The following BCL3 variants were observed in gnomAD, a reference collection of about 807,000 sequenced individuals.
BCL3 encodes B-cell lymphoma 3 protein.
Under a neutral mutation model 35.7 loss-of-function variants are expected in BCL3, and 15 were observed. The observed-to-expected ratio is 0.42, with a 90% CI of 0.28 to 0.65. BCL3 has a LOEUF of 0.65. BCL3 is among the 30% of genes least tolerant of loss of function. The pLI, the probability that BCL3 is intolerant of heterozygous loss-of-function variation, is 0.22. For missense variants in BCL3, 565 were observed against 641.7 expected (o/e 0.88, Z 1.29); for synonymous variants, 311 against 284.3 (o/e 1.09, Z -0.95).
In BCL3 at chr19:44,757,298, A is replaced by G; in HGVS notation, c.725-29A>G. 1 of 1,582,078 alleles carries G rather than the reference A, an allele frequency of 6.3e-7. No individual in the cohort carries two copies. The highest frequency in any genetic ancestry group is 8.6e-7 in the Non-Finnish European group (1 of 1,163,992). On this transcript the variant is annotated intron_variant, in intron 4 of 8. Transcript: ENST00000164227. This position sits in a 1 kb window ranked among gnomAD's most constrained non-coding sequence, Gnocchi z 8.4. ...ATCAGCGGCCGCAAAGCCCGGGCCT[A>G]GGTTTCACCGAGCCCTCCTCTCCCT...
Position 44,751,251 on chromosome 19 carries a change from C to T in BCL3, c.281C>T (p.Thr94Ile). ...GGAGCCTTACTGCCTTTGTACCCCA[C>T]TCGGGCCATGGGCTCCCCGTTTCCT... Reference protein sequence around the residue: ...YPGALLPLYPTRAMGSPFPLV... With the variant: ...YPGALLPLYPIRAMGSPFPLV... The change falls in exon 2 of 9, where the codon ACT (threonine) becomes ATT (isoleucine). Residue 94 changes from threonine (T) to isoleucine (I), a missense_variant. Thr to Ile is a moderately conservative substitution (Grantham distance 89). Transcript: ENST00000164227. 6.2e-7 allele frequency: 1 copy of T among 1,611,364 alleles called. No individual in the cohort carries two copies. The highest frequency in any genetic ancestry group is 8.5e-7 in the Non-Finnish European group (1 of 1,178,866).
At chr19:44,748,127 G>A (rs1967100406), upstream of BCL3, 8 of 1,302,328 alleles carry the variant, frequency 6.1e-6, no homozygotes, top group Admixed American at 4.7e-5. Context: ...GTCACCCAGC[G>A]AGTAAGTGGG....
rs774530057 is a variant in BCL3, at chr19:44,758,814, G to A, written c.1150G>A (p.Glu384Lys). Residue 384 changes from glutamate to lysine, a missense_variant, in exon 8 of 9, where the codon GAG becomes AAG. Around this residue, in one of 5 missense-constraint regions of BCL3, gnomAD observed 151 missense variants for 138.1 expected, o/e 1.09. Transcript: ENST00000164227. ...SPDRSANTSP[E>K]SSSRLSSNGL... ...TGACCGGAGCGCCAACACCTCCCCC[G>A]AGAGCAGCAGCCGCCTCAGCTCCAA... 1.2e-6 allele frequency: 2 copies of A among 1,603,074 alleles called. No individual in the cohort carries two copies. Among genetic ancestry groups the A allele is most frequent in the Admixed American group, 1.7e-5 (1 of 58,272 alleles).
Position 44,756,261 on chromosome 19 carries a change from A to T in BCL3, c.440A>T (p.Asn147Ile), listed in dbSNP as rs1405181797. Reference protein sequence around the residue: ...TPLHIAVVQGNLPAVHRLVNL... With the variant: ...TPLHIAVVQGILPAVHRLVNL... The stretch of plus-strand genomic sequence containing the variant: ...CTCCATATTGCTGTGGTGCAGGGTA[A>T]CCTGCCAGCTGTGCACCGGCTGGTC... The change falls in exon 3 of 9, where the codon AAC (asparagine) becomes ATC (isoleucine). Residue 147 changes from asparagine to isoleucine, a missense_variant. Asn to Ile is a moderately radical substitution (Grantham distance 149). Around this residue, in one of 5 missense-constraint regions of BCL3, gnomAD observed 267 missense variants for 281.5 expected, o/e 0.95. Transcript: ENST00000164227. 1 of 1,548,256 alleles carries T rather than the reference A, an allele frequency of 6.5e-7. No individual in the cohort carries two copies. The highest frequency in any genetic ancestry group is 1.9e-5 in the Admixed American group (1 of 52,606).
chr19:44,753,615 C>T (rs1007103564), intron 2 of BCL3, among the ~76,000 whole-genome samples: 1 of 152,248 alleles, frequency 6.6e-6, no homozygotes, highest in South Asian at 2.1e-4. Context: ...CGGCCCCAGC[C>T]TGCGCCACCG....
chr19:44,756,625 C>T (rs1476549097), intron 3 of BCL3, among the ~76,000 whole-genome samples: 1 of 147,966 alleles, frequency 6.8e-6, no homozygotes, highest in African/African-American at 2.5e-5. Context: ...GGCTGGGGGT[C>T]TGGACTCCTG....
In BCL3 at chr19:44,757,544, AAG is replaced by A. The variant is rs1454003092; in HGVS notation, c.814-95_814-94del. Reference sequence around the variant, plus strand: ...GGGTGGGGCTTGGAGTATCAGACCCAAGAGAGAGGCTGGACCCCGCGAATGGG... The same window carrying A: ...GGGTGGGGCTTGGAGTATCAGACCCAAGAGAGGCTGGACCCCGCGAATGGG... On this transcript the variant is annotated intron_variant, in intron 5 of 8. Transcript: ENST00000164227. This position sits in a 1 kb window ranked among gnomAD's most constrained non-coding sequence, Gnocchi z 8.4. The A allele has an allele frequency of 5.9e-6, 9 of 1,532,084 alleles. No homozygotes were observed. Among genetic ancestry groups the A allele is most frequent in the African/African-American group, 2.7e-5 (2 of 73,098 alleles). The allele number at this position is 1,532,084 out of a possible 1,614,324, so 94.9% of individuals were successfully genotyped here.
intron 2 of BCL3, among the ~76,000 whole-genome samples, chr19:44,752,354 C>T (rs924865184): frequency 2.6e-5 from 4 of 151,848 alleles, no homozygotes; most frequent in Admixed American, 1.3e-4. Flanking sequence ...ACGCTACCCC[C>T]ACACCTGGCT....
Position 44,759,904 on chromosome 19 carries a change from C to T in BCL3, c.*289C>T, listed in dbSNP as rs1360867630. Reference sequence around the variant, plus strand: ...CATGTCCCCTCCCAGAGCTGGTGGACCCAGGGAACAGCCACTCCCCTCCAC... The same window carrying T: ...CATGTCCCCTCCCAGAGCTGGTGGATCCAGGGAACAGCCACTCCCCTCCAC... On this transcript the variant is annotated 3_prime_UTR_variant, in exon 9 of 9. Transcript: ENST00000164227. The T allele has an allele frequency of 2.7e-6, 1 of 373,030 alleles. No homozygotes were observed. Among genetic ancestry groups the T allele is most frequent in the Non-Finnish European group, 4.8e-6 (1 of 209,632 alleles). 23.1% of individuals were successfully genotyped at this position (373,030 alleles called of 1,614,324 possible). A position where few individuals can be genotyped will look rare whatever the true frequency, so the allele number is the denominator to read the frequency against.
chr19:44,750,255 T>C (rs1396047921), intron 1 of BCL3, among the ~76,000 whole-genome samples: 2 of 151,862 alleles, frequency 1.3e-5, no homozygotes, highest in Non-Finnish European at 2.9e-5. Context: ...TGGGTTGGTA[T>C]GGATTTGCCT....
At chr19:44,748,037 G>A (rs771536014), upstream of BCL3, 8 of 1,340,158 alleles carry the variant, frequency 6.0e-6, no homozygotes, top group South Asian at 7.4e-5. Flanking sequence ...CGCCTGCCGA[G>A]TGCCAGTCCC....
intron 2 of BCL3, 112 bp from the exon 3 acceptor site, chr19:44,756,120 C>T: frequency 1.5e-6 from 1 of 685,540 alleles, no homozygotes; most frequent in East Asian, 3.5e-5. Flanking sequence ...TGTTTGAATA[C>T]TGGGGACATT....
At chr19:44,755,206 C>T (rs1967258548) in intron 2 of BCL3, 3 of 152,390 alleles carry the variant, frequency 2.0e-5, no homozygotes, top group African/African-American at 7.2e-5. Context: ...GGAAACTGAG[C>T]AGGAAGTTTA....
chr19:44,759,706 T>A lies in BCL3; in HGVS notation c.*91T>A. 1 of 571,338 alleles carries A rather than the reference T, an allele frequency of 1.8e-6. No individual in the cohort carries two copies. The highest frequency in any genetic ancestry group is 2.8e-6 in the Non-Finnish European group (1 of 359,144). 35.4% of individuals were successfully genotyped at this position (571,338 alleles called of 1,614,324 possible). On this transcript the variant is annotated 3_prime_UTR_variant, in exon 9 of 9. Coordinates refer to ENST00000164227, the MANE Select transcript of BCL3 (RefSeq NM_005178.5). ...TCTGGAAACTGTGAAGATCTCACTC[T>A]GCCCCCCCCCCCCATCTTCGGGACC... is the stretch of plus-strand genomic sequence containing the variant.
intron 3 of BCL3, 136 bp from the exon 4 acceptor site, chr19:44,756,881 T>A: frequency 1.2e-6 from 1 of 832,396 alleles, no homozygotes; most frequent in South Asian, 1.9e-5. Flanking sequence ...GACTCTTGAA[T>A]CTGAGACAGG....
In BCL3 at chr19:44,757,839, G is replaced by T. The variant is rs1316596384; in HGVS notation, c.891+116G>T. On this transcript the variant is annotated intron_variant, in intron 6 of 8. Transcript: ENST00000164227. This position sits in a 1 kb window ranked among gnomAD's most constrained non-coding sequence, Gnocchi z 8.4. ...CACTTCTGGCTCCGGCTCCTGCTCC[G>T]CGTCCAGCTCTGATCCTTTAAGGCC... 3.9e-6 allele frequency: 4 copies of T among 1,013,888 alleles called. No homozygotes were observed. The highest frequency in any genetic ancestry group is 2.8e-5 in the South Asian group (2 of 71,224). The allele number at this position is 1,013,888 out of a possible 1,614,324, so 62.8% of individuals were successfully genotyped here. A position where few individuals can be genotyped will look rare whatever the true frequency, so the allele number is the denominator to read the frequency against.
In BCL3 at chr19:44,758,718, C is replaced by T. The variant is rs1967350275; in HGVS notation, c.1060-6C>T. The T allele has an allele frequency of 6.3e-7, 1 of 1,590,474 alleles. No individual in the cohort carries two copies. ...TGGCTCTATGGTCACGCCCATCTTC[C>T]TACAGGTCATCGACATCCTGAGGGG... On this transcript the variant is annotated splice_region_variant and splice_polypyrimidine_tract_variant and intron_variant, in intron 7 of 8. Coordinates refer to ENST00000164227, the MANE Select transcript of BCL3 (RefSeq NM_005178.5).
chr19:44,750,647 G>A (rs1967161278), intron 1 of BCL3, among the ~76,000 whole-genome samples: 1 of 152,162 alleles, frequency 6.6e-6, no homozygotes, highest in Non-Finnish European at 1.5e-5. Flanking sequence ...CCCATGCGTG[G>A]TGGTCAGCAT....
intron 2 of BCL3, among the ~76,000 whole-genome samples, chr19:44,754,751 A>G (rs1453893920): frequency 2.0e-5 from 3 of 152,176 alleles, no homozygotes; most frequent in African/African-American, 7.2e-5. Flanking sequence ...TTTTATTTTT[A>G]AATTTGGCTT....
Sources: gnomAD v4.1 joint callset for allele counts (sites outside exome capture counted in the v4.1 genomes callset) on GRCh38, gnomAD v4.1.1 for gene constraint, gnomAD v4.1.1 regional missense constraint, Gnocchi (gnomAD v3.1) non-coding constraint, MANE v1.5 for transcripts, NCBI Gene and HGNC (gene_info 2026-07-23, HGNC 2026-07-21) for gene names.